Variants in ABCC4 observed in about 807,000 individuals in gnomAD.
ABCC4 encodes ATP binding cassette subfamily C member 4 (PEL blood group).
ABCC4 carries 102 observed loss-of-function variants against 168.5 expected under a neutral mutation model. The observed-to-expected ratio is 0.61, with a 90% CI of 0.52 to 0.71. The LOEUF (loss-of-function observed/expected upper bound fraction) is 0.71, where lower values mean the gene tolerates loss of function less well. ABCC4 is among the 30% of genes least tolerant of loss of function. ABCC4 has a pLI of 0.00. For synonymous variants in ABCC4, 617 were observed against 590.7 expected, an observed-to-expected ratio of 1.04 and a Z score of -0.65; for missense variants, 1,402 against 1,605.8, an observed-to-expected ratio of 0.87 and a Z score of 2.17.
At chr13:95,210,389 T>C (rs1399496752) in intron 5 of ABCC4, among the ~76,000 whole-genome samples, 2 of 152,252 alleles carry the variant, frequency 1.3e-5, no homozygotes, top group African/African-American at 4.8e-5. Flanking sequence ...TTCACGCACT[T>C]GTGTGAGATG....
chr13:95,261,938 A>C (rs59689275), intron 1 of ABCC4, among the ~76,000 whole-genome samples: 5,217 of 151,960 alleles, frequency 0.034, 262 homozygotes, highest in African/African-American at 0.11. Flanking sequence ...TCTCCACACA[A>C]AAAAAAAAAA....
In ABCC4 at chr13:95,054,021, CTTTTTTTTTTTTTTTTTT is replaced by C. The variant is rs55980425; in HGVS notation, c.3367-855_3367-838del. On this transcript the variant is annotated intron_variant, in intron 26 of 30. Transcript: ENST00000645237. ...CTCTCCAATGTCAGAATGGGACATC[CTTTTTTTTTTTTTTTTTT>C]TTTTTTTTTTTTTTTTTTTTTTTTG... 1.6e-3 allele frequency: 116 copies of C among 71,626 alleles called. 2 individuals carry two copies. Among genetic ancestry groups the C allele is most frequent in the African/African-American group, 5.1e-3 (70 of 13,776 alleles). The allele number at this position is 71,626 out of a possible 1,614,324, so 4.4% of individuals were successfully genotyped here. A position where few individuals can be genotyped will look rare whatever the true frequency, so the allele number is the denominator to read the frequency against.
chr13:95,273,413 C>T (rs1231745935), intron 1 of ABCC4, among the ~76,000 whole-genome samples: 1 of 152,162 alleles, frequency 6.6e-6, no homozygotes, highest in African/African-American at 2.4e-5. Flanking sequence ...TTTCCTGGCC[C>T]CTTCCCTCAG....
chr13:95,064,474 C>T (rs2033444186), intron 25 of ABCC4, among the ~76,000 whole-genome samples: 1 of 144,154 alleles, frequency 6.9e-6, no homozygotes, highest in South Asian at 2.4e-4. Context: ...TATTTTGTCT[C>T]TCTCACACAC....
At chr13:95,074,098 A>T in intron 23 of ABCC4, 116 bp downstream of exon 23, 1 of 779,108 alleles carries the variant, frequency 1.3e-6, no homozygotes, top group Non-Finnish European at 2.0e-6. Flanking sequence ...GATTTAATAC[A>T]CTTCATTAGG....
intron 4 of ABCC4, among the ~76,000 whole-genome samples, chr13:95,216,308 A>G (rs564912391): frequency 6.6e-6 from 1 of 152,342 alleles, no homozygotes; most frequent in African/African-American, 2.4e-5. Flanking sequence ...TCCAATGTAC[A>G]GAAAAAATCT....
chr13:95,171,990 T>A (rs1437848500), intron 13 of ABCC4, among the ~76,000 whole-genome samples: 5 of 152,208 alleles, frequency 3.3e-5, no homozygotes, highest in Admixed American at 2.0e-4. Context: ...TATATACATA[T>A]CTAAAGGGAG....
At chr13:95,274,138 C>T (rs1204034629) in intron 1 of ABCC4, among the ~76,000 whole-genome samples, 1 of 152,304 alleles carries the variant, frequency 6.6e-6, no homozygotes, top group Non-Finnish European at 1.5e-5. Context: ...AACTAACAAG[C>T]CTGCTTTAGC....
intron 25 of ABCC4, among the ~76,000 whole-genome samples, chr13:95,068,088 T>C (rs756582587): frequency 4.6e-5 from 7 of 152,198 alleles, no homozygotes; most frequent in Non-Finnish European, 1.0e-4. Flanking sequence ...GATGAAGCAA[T>C]TGAAAGAGAA....
chr13:95,278,000 ACCAAGG>A (rs2041013678), intron 1 of ABCC4, among the ~76,000 whole-genome samples: 1 of 152,170 alleles, frequency 6.6e-6, no homozygotes, highest in African/African-American at 2.4e-5. Context: ...GACAGTCACC[ACCAAGG>A]GGACTTGCCC....
At chr13:95,253,709 A>C (rs1282760278) in intron 1 of ABCC4, among the ~76,000 whole-genome samples, 2 of 151,758 alleles carry the variant, frequency 1.3e-5, no homozygotes, top group African/African-American at 4.8e-5. Flanking sequence ...TGCACACTGC[A>C]CTCCAGCCTG....
At chr13:95,057,643 C>T (rs752477833) in intron 26 of ABCC4, among the ~76,000 whole-genome samples, 3 of 152,236 alleles carry the variant, frequency 2.0e-5, no homozygotes, top group East Asian at 1.9e-4. Flanking sequence ...ATCCTAACCA[C>T]GAATTTGAGT....
chr13:95,100,277 T>G (rs1022169478), intron 20 of ABCC4, among the ~76,000 whole-genome samples: 45 of 152,316 alleles, frequency 3.0e-4, no homozygotes, highest in African/African-American at 1.1e-3. Flanking sequence ...TTTTTTTCTT[T>G]AGGTCTTAAT....
intron 20 of ABCC4, among the ~76,000 whole-genome samples, chr13:95,113,933 G>C (rs1221567244): frequency 6.6e-6 from 1 of 152,098 alleles, no homozygotes; most frequent in Non-Finnish European, 1.5e-5. Context: ...TTTTTAAAAG[G>C]AGAAAATATT....
At chr13:95,248,593 CA>C (rs1399339076) in intron 1 of ABCC4, among the ~76,000 whole-genome samples, 2 of 151,890 alleles carry the variant, frequency 1.3e-5, no homozygotes, top group Non-Finnish European at 2.9e-5. Flanking sequence ...TAATAATTAA[CA>C]TCATTAATCA....
intron 30 of ABCC4, among the ~76,000 whole-genome samples, chr13:95,022,129 T>A (rs560943658): frequency 2.0e-5 from 3 of 152,216 alleles, no homozygotes; most frequent in African/African-American, 7.2e-5. Flanking sequence ...TAAACTCTGA[T>A]TGACAAGCAT....
intron 13 of ABCC4, 50 bp downstream of exon 13, chr13:95,177,657 C>G (rs369958380): frequency 6.5e-7 from 1 of 1,527,310 alleles, no homozygotes. Context: ...TGAGCCAACT[C>G]GAAATGGCTC....
intron 14 of ABCC4, among the ~76,000 whole-genome samples, chr13:95,167,269 T>G (rs1037863241): frequency 1.3e-5 from 2 of 152,152 alleles, no homozygotes; most frequent in Admixed American, 6.5e-5. Context: ...CGACATTCCA[T>G]GGGACACAAC....
At chr13:95,239,526 A>C (rs2039873186) in intron 3 of ABCC4, among the ~76,000 whole-genome samples, 1 of 152,260 alleles carries the variant, frequency 6.6e-6, no homozygotes, top group Non-Finnish European at 1.5e-5. Context: ...GAAGTTGCAA[A>C]GACTAATAGT....
Sources: gnomAD v4.1 joint callset for allele counts (sites outside exome capture counted in the v4.1 genomes callset) on GRCh38, gnomAD v4.1.1 for gene constraint, MANE v1.5 for transcripts, NCBI Gene and HGNC (gene_info 2026-07-23, HGNC 2026-07-21) for gene names.